Variants in NLGN4X observed in about 807,000 individuals in gnomAD.
NLGN4X encodes neuroligin 4 X-linked.
In NLGN4X, 3 loss-of-function variants were observed where a neutral mutation model predicts 40.3. That is an observed-to-expected ratio of 0.07 (90% CI 0.03 to 0.19). The LOEUF is 0.19. Among genes scored for constraint, NLGN4X ranks in the 10% least tolerant of loss-of-function variants. The pLI is 1.00. For synonymous variants in NLGN4X, 270 were observed against 306.8 expected, an observed-to-expected ratio of 0.88 and a Z score of 1.25; for missense variants, 382 against 708.3, an observed-to-expected ratio of 0.54 and a Z score of 5.23.
At chrX:6,012,950 C>G (rs73627042) in intron 3 of NLGN4X, among the ~76,000 whole-genome samples, 8,238 of 111,341 alleles carry the variant, frequency 0.074, 699 homozygotes, top group African/African-American at 0.24. Context: ...CTCTAGAAAA[C>G]TAATACATGG....
intron 3 of NLGN4X, among the ~76,000 whole-genome samples, chrX:6,009,964 A>G (rs1366338830): frequency 8.9e-6 from 1 of 111,952 alleles, no homozygotes; most frequent in Non-Finnish European, 1.9e-5. Context: ...TTCAGGTTCT[A>G]TGGCGATTTG....
chrX:5,945,854 T>G (rs2034105255), intron 3 of NLGN4X, among the ~76,000 whole-genome samples: 1 of 111,141 alleles, frequency 9.0e-6, no homozygotes, highest in Non-Finnish European at 1.9e-5. Context: ...TGAAATAATC[T>G]GTACAAAACC....
intron 3 of NLGN4X, among the ~76,000 whole-genome samples, chrX:5,958,139 T>A (rs952988419): frequency 9.0e-6 from 1 of 111,630 alleles, no homozygotes; most frequent in African/African-American, 3.3e-5. Flanking sequence ...GGTGAGAAAT[T>A]CCCAGATATT....
Position 5,905,085 on chromosome X carries a change from C to A in NLGN4X, c.812-1219G>T, listed in dbSNP as rs778447816. 1.3e-4 allele frequency among the ~76,000 whole-genome samples: 14 copies of A among 106,616 alleles called. No homozygotes were observed. The East Asian group carries it at 3.8e-3, about 29-fold the overall frequency. 92.6% of individuals were successfully genotyped at this position (106,616 alleles called of 115,157 possible). On this transcript the variant is annotated intron_variant, in intron 4 of 5. Coordinates refer to ENST00000381095, the MANE Select transcript of NLGN4X (RefSeq NM_181332.3). ...TTTAAAATGTCCAAAAAAAAAAAAA[C>A]CAAAAGAGAAAGTCAATATGTATTC... is the stretch of plus-strand genomic sequence containing the variant.
intron 3 of NLGN4X, among the ~76,000 whole-genome samples, chrX:5,970,375 G>A (rs910229031): frequency 9.0e-6 from 1 of 111,171 alleles, no homozygotes; most frequent in African/African-American, 3.3e-5. Context: ...TTTATTCCCT[G>A]CAGGACTCTA....
intron 2 of NLGN4X, among the ~76,000 whole-genome samples, chrX:6,062,899 T>C (rs897930512): frequency 9.0e-5 from 10 of 111,101 alleles, no homozygotes; most frequent in Admixed American, 3.9e-4. Flanking sequence ...CATATCTTTA[T>C]TGGCAGCTTG....
intron 3 of NLGN4X, among the ~76,000 whole-genome samples, chrX:5,916,493 A>C (rs1219629071): frequency 9.0e-6 from 1 of 111,544 alleles, no homozygotes; most frequent in Non-Finnish European, 1.9e-5. Flanking sequence ...TCTGCTTCCC[A>C]GACTGGAGTG....
intron 3 of NLGN4X, among the ~76,000 whole-genome samples, chrX:5,960,651 C>T (rs2034630700): frequency 9.0e-6 from 1 of 111,633 alleles, no homozygotes; most frequent in Non-Finnish European, 1.9e-5. Flanking sequence ...CTAATTAGTA[C>T]TTTAATGAAT....
chrX:6,207,652 T>C (rs1298609049), intron 1 of NLGN4X, among the ~76,000 whole-genome samples: 1 of 112,307 alleles, frequency 8.9e-6, no homozygotes, highest in Non-Finnish European at 1.9e-5. Context: ...AAAATCTTCT[T>C]GACTAGTTGG....
intron 3 of NLGN4X, among the ~76,000 whole-genome samples, chrX:5,978,351 TTCTC>T (rs1484800714): frequency 1.0e-5 from 1 of 98,460 alleles, no homozygotes; most frequent in Non-Finnish European, 2.0e-5. Flanking sequence ...TTTCCCTTCC[TTCTC>T]TTTCTTTCTC....
At chrX:6,081,485 G>A (rs905497571) in intron 2 of NLGN4X, among the ~76,000 whole-genome samples, 1 of 112,233 alleles carries the variant, frequency 8.9e-6, no homozygotes, top group Non-Finnish European at 1.9e-5. Flanking sequence ...GAAGGTTCTG[G>A]CCTCACTCCT....
At chrX:6,173,624 C>A (rs368414494) in intron 1 of NLGN4X, among the ~76,000 whole-genome samples, 6 of 112,752 alleles carry the variant, frequency 5.3e-5, no homozygotes, top group African/African-American at 1.9e-4. Context: ...AGAATCTAGG[C>A]AGACAGACCT....
chrX:6,121,149 T>C (rs753548057), intron 2 of NLGN4X, among the ~76,000 whole-genome samples: 3 of 102,482 alleles, frequency 2.9e-5, no homozygotes, highest in Admixed American at 2.2e-4. Flanking sequence ...TATATATACA[T>C]ACACACACAC....
At chrX:6,130,641 A>C (rs960810871) in intron 2 of NLGN4X, among the ~76,000 whole-genome samples, 1 of 113,079 alleles carries the variant, frequency 8.8e-6, no homozygotes, top group Admixed American at 9.3e-5. Context: ...GCAAGAAACA[A>C]ATGTAAAGTA....
intron 1 of NLGN4X, among the ~76,000 whole-genome samples, chrX:6,199,442 A>G (rs1923404414): frequency 9.0e-6 from 1 of 111,511 alleles, no homozygotes; most frequent in Admixed American, 9.6e-5. Context: ...ATTTTACACA[A>G]TTTTGCTCCT....
chrX:6,002,110 G>A (rs2035986222), intron 3 of NLGN4X, among the ~76,000 whole-genome samples: 1 of 111,462 alleles, frequency 9.0e-6, no homozygotes. Context: ...TAGAAGACAC[G>A]TGAGGTCGAG....
At chrX:6,114,183 T>C (rs2039218280) in intron 2 of NLGN4X, among the ~76,000 whole-genome samples, 1 of 111,719 alleles carries the variant, frequency 9.0e-6, no homozygotes, top group Admixed American at 9.6e-5. Flanking sequence ...GGGTTTCTTC[T>C]ACTCCATGAA....
In NLGN4X at chrX:5,957,640, G is replaced by A. The variant is rs775213342; in HGVS notation, c.626-48401C>T. 7.2e-4 allele frequency among the ~76,000 whole-genome samples: 81 copies of A among 111,794 alleles called. 1 individual carries two copies. The highest frequency in any genetic ancestry group is 1.4e-3 in the Non-Finnish European group (75 of 53,231). ...CTGGTGAAGTAAAATTGCAGGACTT[G>A]CAAAGATTGCAACATTTCATGCATT... On this transcript the variant is annotated intron_variant, in intron 3 of 5. Transcript: ENST00000381095.
chrX:5,956,791 T>C (rs1025742786), intron 3 of NLGN4X, among the ~76,000 whole-genome samples: 1 of 112,329 alleles, frequency 8.9e-6, no homozygotes, highest in Non-Finnish European at 1.9e-5. Flanking sequence ...TACTACATAA[T>C]GTAAACATGA....
Sources: allele counts gnomAD v4.1 joint callset (sites outside exome capture counted in the v4.1 genomes callset), GRCh38; gene constraint gnomAD v4.1.1; transcripts MANE v1.5; gene names NCBI Gene and HGNC (gene_info 2026-07-23, HGNC 2026-07-21).